Variants in POT1 observed in about 807,000 individuals in gnomAD.
The protein encoded by POT1 is protection of telomeres 1, also known as protection of telomeres protein 1.
In POT1, 47 loss-of-function variants were observed where a neutral mutation model predicts 78.5. The observed-to-expected ratio is 0.60, with a 90% CI of 0.47 to 0.76. POT1 has a LOEUF of 0.76. Ranked by LOEUF, POT1 falls within the 30% of genes least tolerant of loss-of-function variation. POT1 has a pLI of 0.00. For synonymous variants in POT1, 259 were observed against 260.7 expected (o/e 0.99, Z 0.06); for missense variants, 646 against 749.9 (o/e 0.86, Z 1.62).
intron 3 of POT1, among the ~76,000 whole-genome samples, chr7:124,910,075 G>A (rs1256639993): frequency 2.0e-5 from 3 of 151,724 alleles, no homozygotes; most frequent in Admixed American, 6.6e-5. Flanking sequence ...AAAAGCATGT[G>A]CACATATATA....
chr7:124,852,406 A>T (rs1795332897), intron 10 of POT1, among the ~76,000 whole-genome samples: 1 of 152,190 alleles, frequency 6.6e-6, no homozygotes, highest in Admixed American at 6.5e-5. Context: ...AAGATTTTTT[A>T]AATTTCTAGA....
At chr7:124,829,837 C>T (rs1473644254) in intron 15 of POT1, among the ~76,000 whole-genome samples, 1 of 151,984 alleles carries the variant, frequency 6.6e-6, no homozygotes, top group Admixed American at 6.6e-5. Context: ...GTAGCTAGAA[C>T]CACAGTTGCA....
At chr7:124,860,445 A>AT (rs1237997395) in intron 8 of POT1, among the ~76,000 whole-genome samples, 3 of 152,146 alleles carry the variant, frequency 2.0e-5, no homozygotes, top group East Asian at 3.9e-4. Flanking sequence ...CTGTATTCTC[A>AT]TTTTTTATAC....
intron 2 of POT1, among the ~76,000 whole-genome samples, chr7:124,924,609 T>G (rs904001770): frequency 6.6e-6 from 1 of 152,004 alleles, no homozygotes; most frequent in Non-Finnish European, 1.5e-5. Context: ...GAATTCTCCC[T>G]AACTCATTCT....
At chr7:124,833,548 T>C (rs1181054973) in intron 15 of POT1, among the ~76,000 whole-genome samples, 2 of 152,230 alleles carry the variant, frequency 1.3e-5, no homozygotes, top group Non-Finnish European at 2.9e-5. Context: ...TGTAGAAATC[T>C]GTTTATAGCT....
chr7:124,850,416 A>T (rs1026931681), intron 11 of POT1, among the ~76,000 whole-genome samples: 1 of 152,316 alleles, frequency 6.6e-6, no homozygotes, highest in Non-Finnish European at 1.5e-5. Flanking sequence ...TTCATCTCAC[A>T]GGAGTGTTGT....
intron 6 of POT1, among the ~76,000 whole-genome samples, chr7:124,874,147 A>G (rs763550781): frequency 1.3e-5 from 2 of 152,218 alleles, no homozygotes; most frequent in Non-Finnish European, 2.9e-5. Context: ...GGCTGCACTC[A>G]TTAACTGGGA....
chr7:124,829,253 CCTT>C lies in POT1; in HGVS notation c.1592_1594del (p.Glu531del), dbSNP rs1794702913. 1 of 1,585,994 alleles carries C rather than the reference CCTT, an allele frequency of 6.3e-7. No homozygotes were observed. The highest frequency in any genetic ancestry group is 8.6e-7 in the Non-Finnish European group (1 of 1,156,498). On this transcript the variant is annotated inframe_deletion and splice_region_variant, in exon 16 of 19. Transcript: ENST00000357628. Reference sequence around the variant, plus strand: ...TTGCAGGGCATGGAAATTTAGCTAACCTTCTGCCACAGAAGAAGGAATCCACGA... The same window carrying C: ...TTGCAGGGCATGGAAATTTAGCTAACCTGCCACAGAAGAAGGAATCCACGA...
chr7:124,895,263 G>A (rs893410664), intron 5 of POT1, among the ~76,000 whole-genome samples: 2 of 151,370 alleles, frequency 1.3e-5, no homozygotes, highest in Non-Finnish European at 3.0e-5. Context: ...GAAAACCATC[G>A]GCTCATGATA....
At chr7:124,849,838 C>T in intron 11 of POT1, among the ~76,000 whole-genome samples, 1 of 152,044 alleles carries the variant, frequency 6.6e-6, no homozygotes. Context: ...AAGAAAGCAA[C>T]TATTTATTAT....
At chr7:124,919,948 T>C (rs1584530165) in intron 2 of POT1, among the ~76,000 whole-genome samples, 1 of 148,252 alleles carries the variant, frequency 6.7e-6, no homozygotes, top group East Asian at 2.0e-4. Flanking sequence ...ATAAAGTTCA[T>C]GTTCCCTGCT....
chr7:124,901,523 G>C (rs1337572272), intron 3 of POT1, among the ~76,000 whole-genome samples: 2 of 151,942 alleles, frequency 1.3e-5, no homozygotes, highest in African/African-American at 2.4e-5. Context: ...CCCATCTGTA[G>C]GTCACCATCA....
intron 3 of POT1, among the ~76,000 whole-genome samples, chr7:124,910,362 T>C (rs762122915): frequency 2.0e-5 from 3 of 152,026 alleles, no homozygotes; most frequent in Non-Finnish European, 2.9e-5. Flanking sequence ...TCTCTACTTA[T>C]TCTAAGTCCT....
At chr7:124,919,050 A>T (rs991228634) in intron 2 of POT1, among the ~76,000 whole-genome samples, 1 of 152,172 alleles carries the variant, frequency 6.6e-6, no homozygotes, top group Non-Finnish European at 1.5e-5. Context: ...TGAACATCAG[A>T]GTATGCCTAA....
chr7:124,913,525 G>A (rs1796941533), intron 3 of POT1, among the ~76,000 whole-genome samples: 1 of 151,916 alleles, frequency 6.6e-6, no homozygotes. Context: ...CATCCCTTTT[G>A]TAACATATCT....
At chr7:124,832,562 C>G (rs1794792293) in intron 15 of POT1, among the ~76,000 whole-genome samples, 1 of 151,992 alleles carries the variant, frequency 6.6e-6, no homozygotes. Context: ...CACCTGTAAT[C>G]CCAGCACTTT....
chr7:124,829,738 A>ATATT, intron 15 of POT1, among the ~76,000 whole-genome samples: 1 of 144,202 alleles, frequency 6.9e-6, no homozygotes, highest in Non-Finnish European at 1.5e-5. Flanking sequence ...ATATATATAT[A>ATATT]TTTTTTAAGA....
chr7:124,854,032 C>A (rs1339413404), intron 9 of POT1, among the ~76,000 whole-genome samples: 1 of 151,874 alleles, frequency 6.6e-6, no homozygotes, highest in Non-Finnish European at 1.5e-5. Context: ...TATAGGGATA[C>A]CACTTTTTTT....
intron 4 of POT1, among the ~76,000 whole-genome samples, chr7:124,897,670 T>A (rs1320417483): frequency 1.3e-5 from 2 of 151,652 alleles, no homozygotes; most frequent in Admixed American, 1.3e-4. Flanking sequence ...ATTTTACCCA[T>A]CTCCAGCCTA....
Sources: gnomAD v4.1 joint callset for allele counts (sites outside exome capture counted in the v4.1 genomes callset) on GRCh38, gnomAD v4.1.1 for gene constraint, MANE v1.5 for transcripts, NCBI Gene and HGNC (gene_info 2026-07-23, HGNC 2026-07-21) for gene names.